Variants in EPHA6 observed in about 807,000 individuals in gnomAD.
The protein encoded by EPHA6 is ephrin type-A receptor 6.
A neutral mutation model predicts 112.0 loss-of-function variants in EPHA6; 50 were observed. The observed-to-expected ratio is 0.45, with a 90% CI of 0.36 to 0.56. The LOEUF is 0.56. EPHA6 is among the 20% of genes least tolerant of loss of function. The probability of loss-of-function intolerance (pLI) is 0.00; values close to 1 mark genes in which losing one functional copy is unlikely to be tolerated. For synonymous variants in EPHA6, 529 were observed against 490.7 expected (o/e 1.08, Z -1.03); for missense variants, 1,280 against 1,417.4 (o/e 0.90, Z 1.56).
intron 2 of EPHA6, among the ~76,000 whole-genome samples, chr3:96,896,389 A>G (rs1271682445): frequency 6.6e-6 from 1 of 152,196 alleles, no homozygotes; most frequent in East Asian, 1.9e-4. Flanking sequence ...TGCAGACTGC[A>G]CAGCACTTTC....
chr3:97,480,546 G>A (rs1385525932), intron 9 of EPHA6, among the ~76,000 whole-genome samples: 1 of 152,018 alleles, frequency 6.6e-6, no homozygotes, highest in African/African-American at 2.4e-5. Context: ...CAAGGGGTTG[G>A]GGGTAAGGTT....
In EPHA6 at chr3:97,544,170, C is replaced by T. The variant is rs554037886; in HGVS notation, c.2386+11627C>T. Among the ~76,000 whole-genome samples, 33 of 152,158 alleles carry T rather than the reference C, an allele frequency of 2.2e-4. No individual in the cohort carries two copies. In the East Asian group the frequency reaches 6.0e-3, roughly 28 times the overall value. On this transcript the variant is annotated intron_variant, in intron 11 of 17. Coordinates refer to ENST00000389672, the MANE Select transcript of EPHA6 (RefSeq NM_001080448.3). The stretch of plus-strand genomic sequence containing the variant: ...AGAGAAGGCATCCCTGTCTTGTGCC[C>T]ATTTTCAAAGGGAATGCTTCCAGTT...
At chr3:97,251,257 G>C (rs1008653962) in intron 5 of EPHA6, among the ~76,000 whole-genome samples, 1 of 152,092 alleles carries the variant, frequency 6.6e-6, no homozygotes, top group African/African-American at 2.4e-5. Context: ...AAGGCCGGGC[G>C]CAGTGGCTCA....
intron 3 of EPHA6, among the ~76,000 whole-genome samples, chr3:97,070,178 A>T (rs2046309190): frequency 1.3e-5 from 2 of 152,132 alleles, no homozygotes; most frequent in Admixed American, 1.3e-4. Context: ...GTTATCAACC[A>T]ATATTATCTT....
chr3:97,080,165 A>G lies in EPHA6; in HGVS notation c.1114+92172A>G, dbSNP rs113035189. On this transcript the variant is annotated intron_variant, in intron 3 of 17. Transcript: ENST00000389672. ...TTTTAAAAGATAATAACAATGTTCC[A>G]ATGAATATCTGTATTAGCACTGCAC... 3.1e-3 allele frequency among the ~76,000 whole-genome samples: 471 copies of G among 152,218 alleles called. 3 individuals are homozygous for G. Among genetic ancestry groups the G allele is most frequent in the African/African-American group, 0.011 (438 of 41,560 alleles).
At chr3:97,277,249 G>C (rs2108654786) in intron 5 of EPHA6, among the ~76,000 whole-genome samples, 1 of 152,158 alleles carries the variant, frequency 6.6e-6, no homozygotes, top group Middle Eastern at 3.4e-3. Flanking sequence ...GGAGATAGGG[G>C]TGGGGCCATT....
At chr3:97,368,470 A>G (rs1321755503) in intron 5 of EPHA6, among the ~76,000 whole-genome samples, 2 of 152,156 alleles carry the variant, frequency 1.3e-5, no homozygotes, top group African/African-American at 4.8e-5. Flanking sequence ...ACCATATTGC[A>G]TAACTATTGA....
chr3:97,466,608 A>T, intron 7 of EPHA6: 1 of 636,590 alleles, frequency 1.6e-6, no homozygotes, highest in Non-Finnish European at 2.8e-6. Context: ...CAGTATTCTC[A>T]TGTATTTGCA....
intron 2 of EPHA6, among the ~76,000 whole-genome samples, chr3:96,907,139 C>T (rs2038976717): frequency 4.6e-5 from 7 of 151,708 alleles, no homozygotes; most frequent in Admixed American, 4.6e-4. Context: ...ATACAATGGG[C>T]ATGTCTTTGA....
chr3:97,593,731 C>T (rs551982181), intron 12 of EPHA6, among the ~76,000 whole-genome samples: 1 of 152,214 alleles, frequency 6.6e-6, no homozygotes, highest in African/African-American at 2.4e-5. Context: ...GATATTTTTC[C>T]TTTGCTTTTC....
chr3:97,613,968 G>A (rs2093741865), intron 13 of EPHA6, among the ~76,000 whole-genome samples: 1 of 152,078 alleles, frequency 6.6e-6, no homozygotes, highest in Non-Finnish European at 1.5e-5. Context: ...ACTTTTTGTG[G>A]CACTTACCTG....
At position 97,663,519 on chromosome 3, in the gene EPHA6, G is replaced by A. The variant is rs574816063; in HGVS notation, c.2784+25437G>A. Among the ~76,000 whole-genome samples the A allele has an allele frequency of 3.0e-4, 39 of 130,638 alleles. No homozygotes were observed. In the South Asian group the frequency reaches 9.2e-3, roughly 31 times the overall value. 85.7% of individuals were successfully genotyped at this position (130,638 alleles called of 152,430 possible). On this transcript the variant is annotated intron_variant, in intron 14 of 17. Transcript: ENST00000389672. Reference sequence around the variant, plus strand: ...CCCACAACAGGCCCCGGTGTATGATGTTCCCCTTCCTCTATCCAAGTGTTC... The same window carrying A: ...CCCACAACAGGCCCCGGTGTATGATATTCCCCTTCCTCTATCCAAGTGTTC...
At chr3:97,002,122 A>G (rs898830546) in intron 3 of EPHA6, among the ~76,000 whole-genome samples, 1 of 151,908 alleles carries the variant, frequency 6.6e-6, no homozygotes, top group Non-Finnish European at 1.5e-5. Flanking sequence ...CTCGTAATTA[A>G]GGAGCCTATA....
chr3:97,501,221 C>T (rs143673454), intron 10 of EPHA6, among the ~76,000 whole-genome samples: 2 of 152,170 alleles, frequency 1.3e-5, no homozygotes, highest in East Asian at 1.9e-4. Flanking sequence ...TTGAGTAAAG[C>T]TGGAGGATCT....
At chr3:96,851,223 AAAG>A (rs985232311) in intron 1 of EPHA6, among the ~76,000 whole-genome samples, 41 of 152,232 alleles carry the variant, frequency 2.7e-4, no homozygotes, top group Admixed American at 9.2e-4. Context: ...CTCATCTTTA[AAAG>A]AAGGTTATTT....
intron 2 of EPHA6, among the ~76,000 whole-genome samples, chr3:96,924,946 C>A (rs2039958962): frequency 6.6e-6 from 1 of 152,064 alleles, no homozygotes; most frequent in South Asian, 2.1e-4. Flanking sequence ...ATGCAAATCA[C>A]CTTTACTGAT....
chr3:97,715,822 T>C (rs1183126648), intron 14 of EPHA6, among the ~76,000 whole-genome samples: 1 of 152,190 alleles, frequency 6.6e-6, no homozygotes, highest in Non-Finnish European at 1.5e-5. Flanking sequence ...TACAACTACC[T>C]ACCTATTTAT....
intron 3 of EPHA6, among the ~76,000 whole-genome samples, chr3:97,002,658 CAT>C (rs2043709468): frequency 6.6e-6 from 1 of 151,606 alleles, no homozygotes; most frequent in Admixed American, 6.6e-5. Context: ...TTTTGAGTGA[CAT>C]AAAGAATATA....
chr3:97,507,946 G>A (rs1267861435), intron 10 of EPHA6, among the ~76,000 whole-genome samples: 1 of 152,108 alleles, frequency 6.6e-6, no homozygotes, highest in Admixed American at 6.6e-5. Flanking sequence ...GTTTATTGGT[G>A]TAGAGGCATT....
Sources: allele counts gnomAD v4.1 joint callset (sites outside exome capture counted in the v4.1 genomes callset), GRCh38; gene constraint gnomAD v4.1.1; transcripts MANE v1.5; gene names NCBI Gene and HGNC (gene_info 2026-07-23, HGNC 2026-07-21).